Variants in SCD5 observed in about 807,000 individuals in gnomAD.
SCD5 encodes acyl-CoA-desaturase 4.
SCD5 carries 20 observed loss-of-function variants against 30.4 expected under a neutral mutation model. The observed-to-expected ratio is 0.66, with a 90% CI of 0.46 to 0.96. The LOEUF is 0.96. Ranked by LOEUF, SCD5 falls within the 40% of genes least tolerant of loss-of-function variation. The pLI, the probability that SCD5 is intolerant of heterozygous loss-of-function variation, is 0.00. For synonymous variants in SCD5, 173 were observed against 176.4 expected (o/e 0.98, Z 0.16); for missense variants, 381 against 443.3 (o/e 0.86, Z 1.26).
chr4:82,781,520 G>A (rs1462043867), intron 1 of SCD5, among the ~76,000 whole-genome samples: 2 of 152,134 alleles, frequency 1.3e-5, no homozygotes, highest in Non-Finnish European at 2.9e-5. Flanking sequence ...ATATCCACTT[G>A]GGTTATGCTG....
At chr4:82,712,283 T>TACAC (rs1475270777) in intron 1 of SCD5, among the ~76,000 whole-genome samples, 8 of 48,364 alleles carry the variant, frequency 1.7e-4, no homozygotes, top group African/African-American at 2.1e-4. Flanking sequence ...TATATATATA[T>TACAC]ATATATATAT....
chr4:82,698,425 G>C (rs1277887439), intron 2 of SCD5, among the ~76,000 whole-genome samples: 2 of 152,176 alleles, frequency 1.3e-5, no homozygotes, highest in Non-Finnish European at 2.9e-5. Flanking sequence ...CCCAGCCTTG[G>C]GGGATGGTCT....
chr4:82,681,410 T>G (rs761435005), intron 2 of SCD5, among the ~76,000 whole-genome samples: 1 of 152,202 alleles, frequency 6.6e-6, no homozygotes, highest in Non-Finnish European at 1.5e-5. Context: ...TATAATAGAA[T>G]GATTTATATT....
intron 3 of SCD5, among the ~76,000 whole-genome samples, chr4:82,640,374 C>T (rs1256131682): frequency 1.3e-5 from 2 of 152,282 alleles, no homozygotes; most frequent in African/African-American, 4.8e-5. Context: ...ATTGCCTCTT[C>T]CTCAAAAAAG....
At chr4:82,746,956 G>C (rs578010396) in intron 1 of SCD5, among the ~76,000 whole-genome samples, 2 of 23,462 alleles carry the variant, frequency 8.5e-5, no homozygotes, top group Non-Finnish European at 4.3e-4. Context: ...ACACAAGGGC[G>C]TCAGGGGGAG....
At chr4:82,777,680 T>C (rs1464894054) in intron 1 of SCD5, among the ~76,000 whole-genome samples, 1 of 152,218 alleles carries the variant, frequency 6.6e-6, no homozygotes, top group African/African-American at 2.4e-5. Context: ...ATTATGTAGC[T>C]GGTCCTGCTT....
chr4:82,718,080 T>TAAA (rs145494609), intron 1 of SCD5, among the ~76,000 whole-genome samples: 1 of 138,984 alleles, frequency 7.2e-6, no homozygotes, highest in Non-Finnish European at 1.5e-5. Context: ...ACCTTTTTTT[T>TAAA]TTAAAAAAAA....
chr4:82,786,497 T>C (rs1485323126), intron 1 of SCD5, among the ~76,000 whole-genome samples: 2 of 152,214 alleles, frequency 1.3e-5, no homozygotes, highest in Non-Finnish European at 2.9e-5. Flanking sequence ...ATGTTTTTTC[T>C]CTATTTAAGA....
At chr4:82,686,272 C>G (rs1350165027) in intron 2 of SCD5, among the ~76,000 whole-genome samples, 1 of 152,148 alleles carries the variant, frequency 6.6e-6, no homozygotes, top group Admixed American at 6.5e-5. Context: ...TCCCAAAGTG[C>G]TGGCATTACA....
At chr4:82,694,028 C>G (rs1346682339) in intron 2 of SCD5, among the ~76,000 whole-genome samples, 1 of 152,236 alleles carries the variant, frequency 6.6e-6, no homozygotes, top group Non-Finnish European at 1.5e-5. Context: ...ATCTCACACT[C>G]TGCTACTGCT....
chr4:82,634,822 C>T (rs1477762545), intron 4 of SCD5, among the ~76,000 whole-genome samples: 14 of 152,250 alleles, frequency 9.2e-5, no homozygotes, highest in Admixed American at 9.2e-4. Flanking sequence ...TCCCTCATTA[C>T]AGTCCTTTCA....
At chr4:82,710,219 C>T (rs1371765043) in intron 1 of SCD5, among the ~76,000 whole-genome samples, 1 of 152,146 alleles carries the variant, frequency 6.6e-6, no homozygotes, top group Non-Finnish European at 1.5e-5. Context: ...CTGAGAAACT[C>T]CTGCCTCATA....
chr4:82,732,038 C>T (rs1720654638), intron 1 of SCD5, among the ~76,000 whole-genome samples: 1 of 152,162 alleles, frequency 6.6e-6, no homozygotes, highest in Non-Finnish European at 1.5e-5. Flanking sequence ...TCCATTACCT[C>T]CATCTTTGCT....
intron 3 of SCD5, among the ~76,000 whole-genome samples, chr4:82,657,149 GT>G (rs1236078463): frequency 1.3e-5 from 2 of 152,166 alleles, no homozygotes; most frequent in African/African-American, 4.8e-5. Context: ...TGCTTTTGGT[GT>G]TTTAGTCATG....
chr4:82,747,833 G>T (rs558279344), intron 1 of SCD5, among the ~76,000 whole-genome samples: 1 of 152,282 alleles, frequency 6.6e-6, no homozygotes, highest in South Asian at 2.1e-4. Flanking sequence ...AACCATAGGG[G>T]GCAAAAGCTT....
At chr4:82,646,892 G>A (rs535754114) in intron 3 of SCD5, among the ~76,000 whole-genome samples, 4 of 152,050 alleles carry the variant, frequency 2.6e-5, no homozygotes, top group South Asian at 2.1e-4. Flanking sequence ...GTGTGATCTC[G>A]GGTCACTGCA....
intron 1 of SCD5, among the ~76,000 whole-genome samples, chr4:82,732,179 C>A (rs1302207743): frequency 6.6e-6 from 1 of 152,128 alleles, no homozygotes; most frequent in Non-Finnish European, 1.5e-5. Context: ...CAGCTCACTG[C>A]AACCTCTGCC....
intron 2 of SCD5, among the ~76,000 whole-genome samples, chr4:82,696,228 T>C (rs960157649): frequency 2.0e-5 from 3 of 152,222 alleles, no homozygotes. Context: ...ATAAATATTA[T>C]CATTAATTAA....
chr4:82,735,810 T>C (rs1037833399), intron 1 of SCD5, among the ~76,000 whole-genome samples: 16 of 152,250 alleles, frequency 1.1e-4, no homozygotes, highest in African/African-American at 3.9e-4. Context: ...TGATGTTTCC[T>C]TGACTAGAAA....
Sources: allele counts gnomAD v4.1 joint callset (sites outside exome capture counted in the v4.1 genomes callset), GRCh38; gene constraint gnomAD v4.1.1; transcripts MANE v1.5; gene names NCBI Gene and HGNC (gene_info 2026-07-23, HGNC 2026-07-21).